The following BRAT1 variants were observed in gnomAD, a reference collection of about 807,000 sequenced individuals.
BRAT1 encodes integrator complex assembly factor BRAT1.
A neutral mutation model predicts 70.6 loss-of-function variants in BRAT1; 74 were observed. That is an observed-to-expected ratio of 1.05 (90% CI 0.87 to 1.27). The LOEUF is 1.27. Among genes scored for constraint, BRAT1 ranks in the 50% most tolerant of loss-of-function variants. The pLI, the probability that BRAT1 is intolerant of heterozygous loss-of-function variation, is 0.00. For synonymous variants in BRAT1, 615 were observed against 517.1 expected, an observed-to-expected ratio of 1.19 and a Z score of -2.57; for missense variants, 1,203 against 1,098.2, an observed-to-expected ratio of 1.10 and a Z score of -1.35.
chr7:2,540,824 A>G, intron 10 of BRAT1, 155 bp downstream of exon 10: 2 of 774,832 alleles, frequency 2.6e-6, no homozygotes, highest in Non-Finnish European at 3.8e-6. Flanking sequence ...CGCCCCATGC[A>G]GCCACCTGCA....
intron 7 of BRAT1, 98 bp from the exon 8 acceptor site, chr7:2,541,934 C>A: frequency 7.3e-7 from 1 of 1,374,424 alleles, no homozygotes; most frequent in Non-Finnish European, 1.0e-6. Flanking sequence ...CAGGCCAGGA[C>A]CTAGGTGCAG....
At chr7:2,551,850 CAT>C (rs1780027530) in intron 2 of BRAT1, among the ~76,000 whole-genome samples, 1 of 150,900 alleles carries the variant, frequency 6.6e-6, no homozygotes, top group African/African-American at 2.4e-5. Context: ...AGATTCAAAA[CAT>C]ATGTTATGTT....
intron 2 of BRAT1, among the ~76,000 whole-genome samples, chr7:2,554,057 G>C (rs1780230674): frequency 6.6e-6 from 1 of 152,114 alleles, no homozygotes; most frequent in Non-Finnish European, 1.5e-5. Context: ...CTGAACCTTG[G>C]GGTGCCCTGA....
intron 3 of BRAT1, 76 bp downstream of exon 3, chr7:2,547,248 A>G (rs1779682060): frequency 6.4e-7 from 1 of 1,559,862 alleles, no homozygotes; most frequent in Admixed American, 1.7e-5. Flanking sequence ...ATGGCTACAA[A>G]TGCCCCACCT....
intron 2 of BRAT1, among the ~76,000 whole-genome samples, chr7:2,551,969 A>T (rs571063692): frequency 1.6e-3 from 233 of 148,666 alleles, no homozygotes; most frequent in African/African-American, 5.3e-3. Context: ...GTGAAAAAAA[A>T]ATTATAATGA....
At chr7:2,548,185 G>C (rs890140554) in intron 2 of BRAT1, among the ~76,000 whole-genome samples, 6 of 151,994 alleles carry the variant, frequency 3.9e-5, no homozygotes, top group African/African-American at 1.5e-4. Flanking sequence ...AGGTACAATG[G>C]AACAAACATT....
intron 3 of BRAT1, among the ~76,000 whole-genome samples, chr7:2,546,661 G>C (rs1382125259): frequency 1.3e-5 from 2 of 151,566 alleles, no homozygotes; most frequent in Non-Finnish European, 2.9e-5. Flanking sequence ...CTTGAACCTG[G>C]GAGGTGGAGA....
chr7:2,543,166 A>T lies in BRAT1; in HGVS notation c.923+38T>A. On this transcript the variant is annotated intron_variant, in intron 6 of 13. Transcript: ENST00000340611. The surrounding 1 kb of genome is among the most constrained non-coding windows in gnomAD (Gnocchi z 5.5). Reference sequence around the variant, plus strand: ...AACCTCCCTGCCTGCCCCAGCTCCCAGCACCCGCCTCGGAATGAAATGCAC... The same window carrying T: ...AACCTCCCTGCCTGCCCCAGCTCCCTGCACCCGCCTCGGAATGAAATGCAC... 1 of 1,520,012 alleles carries T rather than the reference A, an allele frequency of 6.6e-7. No individual in the cohort carries two copies. Among genetic ancestry groups the T allele is most frequent in the South Asian group, 1.3e-5 (1 of 78,434 alleles). The allele number at this position is 1,520,012 out of a possible 1,614,324, so 94.2% of individuals were successfully genotyped here.
rs893036889 is a variant in BRAT1, at chr7:2,543,980, G to T, written c.431-18C>A. 1 of 1,537,926 alleles carries T rather than the reference G, an allele frequency of 6.5e-7. No homozygotes were observed. Among genetic ancestry groups the T allele is most frequent in the Non-Finnish European group, 8.8e-7 (1 of 1,136,012 alleles). On this transcript the variant is annotated intron_variant, in intron 4 of 13. Transcript: ENST00000340611. The surrounding 1 kb of genome is among the most constrained non-coding windows in gnomAD (Gnocchi z 5.5). ...GACCGCACCTGGGTAGGGGATGGGG[G>T]AAGAGAGGGAAAAGGGGGTGAGCCA... is the stretch of plus-strand genomic sequence containing the variant.
At chr7:2,539,747 G>A (rs1013936313) in intron 11 of BRAT1, 39 bp downstream of exon 11, 12 of 1,576,400 alleles carry the variant, frequency 7.6e-6, no homozygotes, top group African/African-American at 6.7e-5. Context: ...CCACCCCTGC[G>A]ACTCCAGCTC....
chr7:2,550,481 C>CAAAAAAAAAAAAAAAAA (rs369777124), intron 2 of BRAT1, among the ~76,000 whole-genome samples: 22 of 57,474 alleles, frequency 3.8e-4, no homozygotes, highest in African/African-American at 8.5e-4. Context: ...AAAAAAAAAA[C>CAAAAAAAAAAAAAAAAA]AAAAAAAAAA....
At chr7:2,554,844 A>G (rs1260769750) in intron 1 of BRAT1, among the ~76,000 whole-genome samples, 1 of 152,128 alleles carries the variant, frequency 6.6e-6, no homozygotes, top group Non-Finnish European at 1.5e-5. Context: ...ATGTCTACCC[A>G]TGCCCCAGGG....
At position 2,543,965 on chromosome 7, in the gene BRAT1, G is replaced by C; in HGVS notation, c.431-3C>G. The C allele has an allele frequency of 1.3e-6, 2 of 1,561,668 alleles. No homozygotes were observed. Among genetic ancestry groups the C allele is most frequent in the Non-Finnish European group, 1.7e-6 (2 of 1,147,588 alleles). The stretch of plus-strand genomic sequence containing the variant: ...GGAGAAGATGGTGTCGACCGCACCT[G>C]GGTAGGGGATGGGGGAAGAGAGGGA... On this transcript the variant is annotated splice_region_variant and splice_polypyrimidine_tract_variant and intron_variant, in intron 4 of 13. Transcript: ENST00000340611. This position sits in a 1 kb window ranked among gnomAD's most constrained non-coding sequence, Gnocchi z 5.5.
At position 2,539,902 on chromosome 7, in the gene BRAT1, G is replaced by T. The variant is rs936893514; in HGVS notation, c.1396-14C>A. 4 of 1,521,558 alleles carry T rather than the reference G, an allele frequency of 2.6e-6. No homozygotes were observed. The highest frequency in any genetic ancestry group is 3.5e-6 in the Non-Finnish European group (4 of 1,133,924). 94.3% of individuals were successfully genotyped at this position (1,521,558 alleles called of 1,614,324 possible). A position where few individuals can be genotyped will look rare whatever the true frequency, so the allele number is the denominator to read the frequency against. Reference sequence around the variant, plus strand: ...CTTCTTCAGAACCTGGAGCAGATAGGGTGGGCTGCAGGGCCACGGGAGACG... The same window carrying T: ...CTTCTTCAGAACCTGGAGCAGATAGTGTGGGCTGCAGGGCCACGGGAGACG... On this transcript the variant is annotated splice_polypyrimidine_tract_variant and intron_variant, in intron 10 of 13. Coordinates refer to ENST00000340611, the MANE Select transcript of BRAT1 (RefSeq NM_152743.4).
At chr7:2,550,532 A>G (rs1779934246) in intron 2 of BRAT1, among the ~76,000 whole-genome samples, 1 of 133,500 alleles carries the variant, frequency 7.5e-6, no homozygotes, top group Non-Finnish European at 1.6e-5. Context: ...ATGTAAAGCG[A>G]AAAAAAAAAA....
chr7:2,541,955 C>T, intron 7 of BRAT1, 119 bp from the exon 8 acceptor site: 1 of 1,263,842 alleles, frequency 7.9e-7, no homozygotes, highest in Non-Finnish European at 1.1e-6. Flanking sequence ...AGCAGCAGCT[C>T]ACCAGGGGAG....
Position 2,543,205 on chromosome 7 carries a change from A to T in BRAT1, c.922T>A (p.Cys308Ser), listed in dbSNP as rs756185597. Reference sequence around the variant, plus strand: ...AATGAAATGCACCCCAGACCATACCAGTGCTCGAGCTTCAGGATCCCCAAA... The same window carrying T: ...AATGAAATGCACCCCAGACCATACCTGTGCTCGAGCTTCAGGATCCCCAAA... ...LALGILKLEH[C>S]PQALRTQAFQ... Residue 308 changes from cysteine (C) to serine (S), a missense_variant and splice_region_variant, in exon 6 of 14, where the codon TGT becomes AGT. Transcript: ENST00000340611. The surrounding 1 kb of genome is among the most constrained non-coding windows in gnomAD (Gnocchi z 5.5). 3.1e-6 allele frequency: 5 copies of T among 1,602,744 alleles called. No homozygotes were observed. The highest frequency in any genetic ancestry group is 4.3e-6 in the Non-Finnish European group (5 of 1,175,022).
rs1779209638 is a variant in BRAT1 at position 2,542,000 on chromosome 7, G to T, written c.1015+120C>A. 1.4e-5 allele frequency: 17 copies of T among 1,206,286 alleles called. No homozygotes were observed. The Admixed American group carries it at 4.4e-4, about 31-fold the overall frequency. The allele number at this position is 1,206,286 out of a possible 1,614,324, so 74.7% of individuals were successfully genotyped here. ...TCCCCGGTCCCCTTTGCTCTTGGAG[G>T]GAGGCCTGGGTGTGATTAAAGTGGG... is the stretch of plus-strand genomic sequence containing the variant. On this transcript the variant is annotated intron_variant, in intron 7 of 13. Transcript: ENST00000340611.
In BRAT1 at chr7:2,539,619, G is replaced by A. The variant is rs751548415; in HGVS notation, c.1522C>T (p.Arg508Cys). ...LRELFPVLQKRLCHPCWEVRD... is the reference protein window; with the variant it reads ...LRELFPVLQKCLCHPCWEVRD... ...ACCTCCCAGCAGGGGTGGCACAGGC[G>A]TTTCTGCAGCACAGGGAACAGCTCT... Residue 508 changes from arginine (R) to cysteine (C), a missense_variant, in exon 12 of 14, where the codon CGC (arginine) becomes TGC (cysteine). Transcript: ENST00000340611. 12 of 1,594,662 alleles carry A rather than the reference G, an allele frequency of 7.5e-6. No homozygotes were observed. Among genetic ancestry groups the A allele is most frequent in the Admixed American group, 3.5e-5 (2 of 57,714 alleles).
Sources: gnomAD v4.1 joint callset for allele counts (sites outside exome capture counted in the v4.1 genomes callset) on GRCh38, gnomAD v4.1.1 for gene constraint, Gnocchi (gnomAD v3.1) non-coding constraint, MANE v1.5 for transcripts, NCBI Gene and HGNC (gene_info 2026-07-23, HGNC 2026-07-21) for gene names.